Variants in DLGAP2 observed in about 807,000 individuals in gnomAD.
The protein encoded by DLGAP2 is DLG associated protein 2.
In DLGAP2, 26 loss-of-function variants were observed where a neutral mutation model predicts 100.3. The observed-to-expected ratio is 0.26, with a 90% CI of 0.19 to 0.36. The LOEUF (loss-of-function observed/expected upper bound fraction) is 0.36. DLGAP2 is among the 10% of genes least tolerant of loss of function. The pLI is 1.00. For synonymous variants in DLGAP2, 886 were observed against 630.1 expected (o/e 1.41, Z -6.08); for missense variants, 1,858 against 1,453.2 (o/e 1.28, Z -4.53).
chr8:1,691,219 A>T (rs1430973289), intron 12 of DLGAP2, among the ~76,000 whole-genome samples: 1 of 152,174 alleles, frequency 6.6e-6, no homozygotes, highest in African/African-American at 2.4e-5. Context: ...AGCTCATCCA[A>T]ACAGCAGCAC....
chr8:1,050,550 T>C lies in DLGAP2; in HGVS notation c.73+142584T>C, dbSNP rs570135270. Among the ~76,000 whole-genome samples the C allele has an allele frequency of 6.6e-5, 10 of 152,302 alleles. No homozygotes were observed. The East Asian group carries it at 7.7e-4, about 12-fold the overall frequency. ...AGCTCATGATGGGTTTATTAGGAAG[T>C]AACCCCATTATAAGCCAAGGAGCGC... On this transcript the variant is annotated intron_variant, in intron 2 of 14. Coordinates refer to ENST00000637795, the MANE Select transcript of DLGAP2 (RefSeq NM_001346810.2).
intron 1 of DLGAP2, among the ~76,000 whole-genome samples, chr8:838,828 C>G (rs1796930111): frequency 6.6e-6 from 1 of 152,174 alleles, no homozygotes; most frequent in Non-Finnish European, 1.5e-5. Context: ...TTAATTAAAG[C>G]TGGACTGTGA....
chr8:1,041,942 C>A (rs979038540), intron 2 of DLGAP2, among the ~76,000 whole-genome samples: 7 of 152,220 alleles, frequency 4.6e-5, no homozygotes, highest in African/African-American at 1.4e-4. Context: ...TGAGCTCTCT[C>A]TTTCTCCCCG....
chr8:1,698,427 T>C (rs1799462859), intron 14 of DLGAP2, among the ~76,000 whole-genome samples: 1 of 148,132 alleles, frequency 6.8e-6, no homozygotes, highest in Non-Finnish European at 1.5e-5. Flanking sequence ...AAGCCATGCA[T>C]GGGAGTAGGC....
intron 3 of DLGAP2, among the ~76,000 whole-genome samples, chr8:1,458,057 T>C (rs935035407): frequency 2.0e-5 from 3 of 146,352 alleles, no homozygotes; most frequent in Non-Finnish European, 4.5e-5. Context: ...TATATATATG[T>C]ATATGTATAT....
chr8:1,433,357 C>T (rs1048319674), intron 3 of DLGAP2, among the ~76,000 whole-genome samples: 7 of 152,220 alleles, frequency 4.6e-5, no homozygotes, highest in African/African-American at 1.4e-4. Flanking sequence ...GCATGGCCTA[C>T]GTGTAGCACA....
chr8:1,497,879 T>C (rs1289947658), intron 3 of DLGAP2, among the ~76,000 whole-genome samples: 1 of 152,168 alleles, frequency 6.6e-6, no homozygotes, highest in Non-Finnish European at 1.5e-5. Flanking sequence ...GTAAAGTATT[T>C]TGAAGGGGTT....
intron 2 of DLGAP2, among the ~76,000 whole-genome samples, chr8:1,045,768 C>T (rs1802496738): frequency 6.6e-6 from 1 of 152,132 alleles, no homozygotes; most frequent in Non-Finnish European, 1.5e-5. Context: ...TGGGGACACC[C>T]AGAAGAGTTC....
At chr8:1,055,540 G>T (rs116755080) in intron 2 of DLGAP2, among the ~76,000 whole-genome samples, 75 of 152,228 alleles carry the variant, frequency 4.9e-4, no homozygotes, top group African/African-American at 1.6e-3. Flanking sequence ...TTTACATGTG[G>T]ACTATTTATT....
intron 2 of DLGAP2, among the ~76,000 whole-genome samples, chr8:1,044,131 T>C (rs1802451581): frequency 6.6e-6 from 1 of 152,048 alleles, no homozygotes; most frequent in Non-Finnish European, 1.5e-5. Flanking sequence ...ACTACCACAG[T>C]CCTCCTTGTA....
chr8:1,223,097 A>C (rs1231266231), intron 2 of DLGAP2, among the ~76,000 whole-genome samples: 1 of 152,136 alleles, frequency 6.6e-6, no homozygotes, highest in Non-Finnish European at 1.5e-5. Context: ...AGTCTCCCAT[A>C]GGTGGGATCG....
At chr8:1,340,665 G>C (rs150601214) in intron 3 of DLGAP2, among the ~76,000 whole-genome samples, 1 of 152,238 alleles carries the variant, frequency 6.6e-6, no homozygotes. Flanking sequence ...GTGGAAGACA[G>C]TGTGGTGGTT....
At chr8:1,359,939 GA>G (rs1195094373) in intron 3 of DLGAP2, among the ~76,000 whole-genome samples, 1 of 152,220 alleles carries the variant, frequency 6.6e-6, no homozygotes, top group Admixed American at 6.5e-5. Context: ...ACTTAAACAG[GA>G]CCGTCCTGAG....
intron 3 of DLGAP2, among the ~76,000 whole-genome samples, chr8:1,343,632 A>C (rs910879486): frequency 1.4e-4 from 21 of 152,160 alleles, no homozygotes; most frequent in African/African-American, 4.8e-4. Context: ...AAGTAAATGC[A>C]CGTCCTGTTT....
At chr8:825,987 T>C (rs1441840942) in intron 1 of DLGAP2, among the ~76,000 whole-genome samples, 5 of 151,230 alleles carry the variant, frequency 3.3e-5, no homozygotes, top group African/African-American at 1.2e-4. Context: ...TTTCTTACCC[T>C]CCACTACCCT....
At chr8:755,451 T>C (rs763917703) in intron 1 of DLGAP2, among the ~76,000 whole-genome samples, 1 of 152,174 alleles carries the variant, frequency 6.6e-6, no homozygotes, top group Non-Finnish European at 1.5e-5. Context: ...AGCAAGACCC[T>C]GTCTCAAAAA....
chr8:1,678,664 A>ATCATT (rs1412804960), intron 12 of DLGAP2, 35 bp downstream of exon 12: 2 of 1,455,210 alleles, frequency 1.4e-6, no homozygotes, highest in Non-Finnish European at 1.8e-6. Flanking sequence ...CCTCTTAAAT[A>ATCATT]TCATTTCTCA....
intron 12 of DLGAP2, among the ~76,000 whole-genome samples, chr8:1,681,997 C>G (rs1026986015): frequency 2.0e-5 from 3 of 152,188 alleles, no homozygotes; most frequent in Non-Finnish European, 4.4e-5. Context: ...ATTGAAGGCT[C>G]TGCCTTTCCA....
At chr8:1,641,188 C>T (rs1797890070) in intron 8 of DLGAP2, among the ~76,000 whole-genome samples, 1 of 152,212 alleles carries the variant, frequency 6.6e-6, no homozygotes. Context: ...ACAGACATGA[C>T]AGACGAATCA....
Sources: allele counts gnomAD v4.1 joint callset (sites outside exome capture counted in the v4.1 genomes callset), GRCh38; gene constraint gnomAD v4.1.1; transcripts MANE v1.5; gene names NCBI Gene and HGNC (gene_info 2026-07-23, HGNC 2026-07-21).